The following RORA variants were observed in gnomAD, a reference collection of about 807,000 sequenced individuals.
RORA encodes nuclear receptor ROR-alpha.
A neutral mutation model predicts 69.5 loss-of-function variants in RORA; 7 were observed. The observed-to-expected ratio is 0.10, with a 90% CI of 0.06 to 0.19. RORA has a LOEUF of 0.19. Among genes scored for constraint, RORA ranks in the 10% least tolerant of loss-of-function variants. RORA has a pLI of 1.00. For synonymous variants in RORA, 261 were observed against 240.8 expected (o/e 1.08, Z -0.78); for missense variants, 457 against 663.0 (o/e 0.69, Z 3.41).
intron 1 of RORA, among the ~76,000 whole-genome samples, chr15:61,059,958 A>AGAAGAG (rs1368081138): frequency 8.3e-6 from 1 of 119,794 alleles, no homozygotes; most frequent in African/African-American, 3.1e-5. Flanking sequence ...AAGAAGAAGA[A>AGAAGAG]GAAGAGGAAG....
intron 1 of RORA, among the ~76,000 whole-genome samples, chr15:61,120,673 C>T (rs1238700002): frequency 5.5e-5 from 8 of 145,818 alleles, no homozygotes; most frequent in African/African-American, 2.1e-4. Context: ...TGCACTCCAA[C>T]CTGAGTGATA....
intron 1 of RORA, among the ~76,000 whole-genome samples, chr15:60,937,017 T>C (rs1337841277): frequency 2.6e-5 from 4 of 152,130 alleles, no homozygotes; most frequent in Non-Finnish European, 4.4e-5. Flanking sequence ...ACTGCAAACA[T>C]TTACTTAATG....
At chr15:60,992,264 A>T (rs1173413722) in intron 1 of RORA, among the ~76,000 whole-genome samples, 1 of 152,228 alleles carries the variant, frequency 6.6e-6, no homozygotes, top group Non-Finnish European at 1.5e-5. Flanking sequence ...AATTTCAACT[A>T]GTTGCCAGGA....
intron 2 of RORA, among the ~76,000 whole-genome samples, chr15:60,661,801 C>G (rs1429967271): frequency 6.6e-6 from 1 of 152,170 alleles, no homozygotes; most frequent in African/African-American, 2.4e-5. Context: ...ACTAGCAGCC[C>G]TTGTCCAGAA....
intron 1 of RORA, among the ~76,000 whole-genome samples, chr15:61,059,550 T>C (rs2078141816): frequency 1.3e-5 from 2 of 152,234 alleles, no homozygotes; most frequent in African/African-American, 2.4e-5. Flanking sequence ...TGTAGAAATC[T>C]TCCTTGCTCC....
intron 1 of RORA, among the ~76,000 whole-genome samples, chr15:60,839,842 T>G (rs967532795): frequency 3.9e-5 from 6 of 152,224 alleles, no homozygotes; most frequent in African/African-American, 1.4e-4. Flanking sequence ...ATATCATATA[T>G]GTCTATGTGC....
At chr15:60,855,754 G>GTGAT (rs1555458162) in intron 1 of RORA, among the ~76,000 whole-genome samples, 1 of 151,650 alleles carries the variant, frequency 6.6e-6, no homozygotes, top group African/African-American at 2.4e-5. Flanking sequence ...CTGAGTAGCT[G>GTGAT]CACAGGCGCC....
chr15:60,683,600 C>A (rs1037819794), intron 1 of RORA, among the ~76,000 whole-genome samples: 1 of 151,458 alleles, frequency 6.6e-6, no homozygotes. Context: ...AAAAATGGCA[C>A]CTTTTGATAA....
intron 1 of RORA, among the ~76,000 whole-genome samples, chr15:60,870,142 A>G (rs553679504): frequency 6.6e-5 from 10 of 152,340 alleles, no homozygotes; most frequent in Admixed American, 5.9e-4. Context: ...AGCAAAGGTT[A>G]TTCCGTTACT....
chr15:60,930,948 T>G (rs1030755412), intron 1 of RORA, among the ~76,000 whole-genome samples: 8 of 152,176 alleles, frequency 5.3e-5, no homozygotes, highest in Admixed American at 5.2e-4. Context: ...AAAGTGGCCC[T>G]TGAAAAACAG....
At chr15:60,516,854 A>G (rs1158256739) in intron 3 of RORA, among the ~76,000 whole-genome samples, 1 of 152,214 alleles carries the variant, frequency 6.6e-6, no homozygotes, top group Non-Finnish European at 1.5e-5. Flanking sequence ...GTCATATTGT[A>G]TACTCATACA....
At chr15:61,066,902 A>T (rs966443875) in intron 1 of RORA, among the ~76,000 whole-genome samples, 1 of 150,036 alleles carries the variant, frequency 6.7e-6, no homozygotes, top group African/African-American at 2.4e-5. Context: ...AAAAAAAAAA[A>T]AAAACCCAAA....
intron 2 of RORA, among the ~76,000 whole-genome samples, chr15:60,655,079 C>T (rs1236300514): frequency 6.6e-6 from 1 of 151,940 alleles, no homozygotes; most frequent in African/African-American, 2.4e-5. Flanking sequence ...GAGATGGACT[C>T]GTAAAGTAAT....
At chr15:61,160,762 T>G (rs891063393) in intron 1 of RORA, among the ~76,000 whole-genome samples, 2 of 152,298 alleles carry the variant, frequency 1.3e-5, no homozygotes, top group South Asian at 2.1e-4. Flanking sequence ...TGGGAAATAT[T>G]AGGGGGTTAT....
chr15:60,528,493 T>G (rs1234064456), intron 3 of RORA: 1 of 152,268 alleles, frequency 6.6e-6, no homozygotes, highest in Admixed American at 6.5e-5. Flanking sequence ...GGGAAAGATG[T>G]GGTCTTCTAT....
intron 1 of RORA, among the ~76,000 whole-genome samples, chr15:61,018,692 C>T (rs1382386993): frequency 1.3e-5 from 2 of 152,054 alleles, no homozygotes; most frequent in Non-Finnish European, 2.9e-5. Context: ...TGGATAAGTA[C>T]AGATGTATAT....
At chr15:60,951,241 C>T (rs948461031) in intron 1 of RORA, among the ~76,000 whole-genome samples, 21 of 149,510 alleles carry the variant, frequency 1.4e-4, no homozygotes, top group African/African-American at 3.5e-4. Context: ...TTGAAACCAA[C>T]GAGAACAAAG....
intron 1 of RORA, among the ~76,000 whole-genome samples, chr15:61,034,389 G>T (rs1896343438): frequency 6.6e-6 from 1 of 152,116 alleles, no homozygotes; most frequent in African/African-American, 2.4e-5. Context: ...CTATATAGAG[G>T]CTATTCCTGG....
chr15:60,759,890 G>A (rs1163142092), intron 1 of RORA, among the ~76,000 whole-genome samples: 1 of 152,158 alleles, frequency 6.6e-6, no homozygotes, highest in Non-Finnish European at 1.5e-5. Flanking sequence ...TTCCCCCATT[G>A]AGGAGATAAA....
Sources: gnomAD v4.1 joint callset for allele counts (sites outside exome capture counted in the v4.1 genomes callset) on GRCh38, gnomAD v4.1.1 for gene constraint, MANE v1.5 for transcripts, NCBI Gene and HGNC (gene_info 2026-07-23, HGNC 2026-07-21) for gene names.